The following DPH6 variants were observed in gnomAD, a reference collection of about 807,000 sequenced individuals.
DPH6 encodes diphthine--ammonia ligase.
Under a neutral mutation model 38.2 loss-of-function variants are expected in DPH6, and 33 were observed. The observed-to-expected ratio is 0.86, with a 90% CI of 0.65 to 1.15. The LOEUF (loss-of-function observed/expected upper bound fraction) is 1.15, where lower values mean the gene tolerates loss of function less well. Ranked by LOEUF, DPH6 falls within the 50% of genes most tolerant of loss-of-function variation. The pLI is 0.00. For missense variants in DPH6, 325 were observed against 320.0 expected (o/e 1.02, Z -0.12); for synonymous variants, 108 against 103.0 (o/e 1.05, Z -0.30).
chr15:35,524,534 T>G (rs2054970423), intron 3 of DPH6, among the ~76,000 whole-genome samples: 1 of 152,178 alleles, frequency 6.6e-6, no homozygotes, highest in Non-Finnish European at 1.5e-5. Context: ...CTGCATGAAT[T>G]AACACAAATG....
chr15:35,487,622 T>G (rs917853510), intron 3 of DPH6, among the ~76,000 whole-genome samples: 3 of 152,244 alleles, frequency 2.0e-5, no homozygotes, highest in African/African-American at 7.2e-5. Flanking sequence ...CAAAACCATT[T>G]TTCCCTCCTC....
intron 3 of DPH6, among the ~76,000 whole-genome samples, chr15:35,356,559 G>T (rs2052562167): frequency 6.6e-6 from 1 of 152,200 alleles, no homozygotes; most frequent in Non-Finnish European, 1.5e-5. Context: ...TCCAGACCCT[G>T]TTTGCCTGGG....
In DPH6 at chr15:35,538,273, C is replaced by T; in HGVS notation, c.312+1G>A. Reference sequence around the variant, plus strand: ...TATACTTAATTGGTTACTCTGCATACCTTAACAAGTTTCAAAAGCTCATAG... The same window carrying T: ...TATACTTAATTGGTTACTCTGCATATCTTAACAAGTTTCAAAAGCTCATAG... On this transcript the variant is annotated splice_donor_variant, in intron 3 of 8. Coordinates refer to ENST00000256538, the MANE Select transcript of DPH6 (RefSeq NM_080650.4). LOFTEE classifies it high-confidence loss of function. 6.5e-7 allele frequency: 1 copy of T among 1,530,692 alleles called. No homozygotes were observed. Among genetic ancestry groups the T allele is most frequent in the Non-Finnish European group, 8.9e-7 (1 of 1,122,248 alleles). 94.8% of individuals were successfully genotyped at this position (1,530,692 alleles called of 1,614,324 possible).
At chr15:35,153,255 T>C in the DPH6 span, among the ~76,000 whole-genome samples, 2 of 152,230 alleles carry the variant, frequency 1.3e-5, no homozygotes, top group African/African-American at 4.8e-5. Context: ...CTATCTGGCA[T>C]ACAGAAAAAA....
At chr15:35,337,712 C>T (rs531621417) in intron 3 of DPH6, among the ~76,000 whole-genome samples, 11 of 152,220 alleles carry the variant, frequency 7.2e-5, no homozygotes, top group Non-Finnish European at 1.5e-4. Context: ...AAAAAAGAGC[C>T]TGCATCGCCA....
the DPH6 span, among the ~76,000 whole-genome samples, chr15:35,177,601 AT>A: frequency 0.044 from 4,878 of 109,790 alleles, 402 homozygotes; most frequent in African/African-American, 0.16. Flanking sequence ...AAAAAAAAAA[AT>A]CATCATCATC....
intron 7 of DPH6, among the ~76,000 whole-genome samples, chr15:35,378,878 A>G (rs1324107706): frequency 6.6e-6 from 1 of 152,146 alleles, no homozygotes; most frequent in African/African-American, 2.4e-5. Flanking sequence ...AATGTAGGTT[A>G]TGGGTTGATG....
chr15:35,157,676 C>G, the DPH6 span, among the ~76,000 whole-genome samples: 2 of 152,178 alleles, frequency 1.3e-5, no homozygotes, highest in Non-Finnish European at 1.5e-5. Flanking sequence ...AAGTTAATAA[C>G]AAGAGACACA....
intron 4 of DPH6, among the ~76,000 whole-genome samples, chr15:35,453,445 T>G (rs2053960317): frequency 6.6e-6 from 1 of 152,204 alleles, no homozygotes; most frequent in East Asian, 1.9e-4. Context: ...ATTTTTAAAC[T>G]AAATAATTCT....
At chr15:35,296,381 C>A (rs921732724) in intron 3 of DPH6, among the ~76,000 whole-genome samples, 1 of 152,180 alleles carries the variant, frequency 6.6e-6, no homozygotes, top group Admixed American at 6.5e-5. Flanking sequence ...TATTCTAGCT[C>A]CCTTCGTCTA....
At chr15:35,440,619 T>C (rs944470512) in intron 5 of DPH6, among the ~76,000 whole-genome samples, 3 of 152,166 alleles carry the variant, frequency 2.0e-5, no homozygotes, top group East Asian at 3.9e-4. Context: ...GGCAGTTATA[T>C]GTCCTTCTTT....
At chr15:35,340,143 G>A (rs1566874419) in intron 3 of DPH6, among the ~76,000 whole-genome samples, 1 of 152,060 alleles carries the variant, frequency 6.6e-6, no homozygotes, top group Non-Finnish European at 1.5e-5. Flanking sequence ...GCCCTTCTTT[G>A]TGTTTTTTGA....
intron 3 of DPH6, among the ~76,000 whole-genome samples, chr15:35,323,509 T>C (rs2052257817): frequency 6.6e-6 from 1 of 152,202 alleles, no homozygotes; most frequent in African/African-American, 2.4e-5. Flanking sequence ...AACATCACTT[T>C]GCTCCCAAAG....
the DPH6 span, among the ~76,000 whole-genome samples, chr15:35,158,471 A>G: frequency 6.6e-6 from 1 of 152,234 alleles, no homozygotes; most frequent in Non-Finnish European, 1.5e-5. Flanking sequence ...ACATTCTTAC[A>G]GCAAGTTGTT....
intron 5 of DPH6, among the ~76,000 whole-genome samples, chr15:35,448,831 T>C (rs923516746): frequency 1.3e-5 from 2 of 152,080 alleles, no homozygotes; most frequent in Non-Finnish European, 2.9e-5. Flanking sequence ...TTGATGCCTA[T>C]AAGACATAAA....
At chr15:35,501,069 G>A (rs1411449820) in intron 3 of DPH6, among the ~76,000 whole-genome samples, 1 of 152,012 alleles carries the variant, frequency 6.6e-6, no homozygotes, top group Non-Finnish European at 1.5e-5. Context: ...TTAAAAGAAT[G>A]GAACTATTTG....
intron 3 of DPH6, chr15:35,237,947 A>G (rs2051567399): frequency 8.5e-6 from 12 of 1,416,502 alleles, no homozygotes; most frequent in Non-Finnish European, 1.0e-6. Context: ...GGAGGATGAA[A>G]AAGGTTATAA....
intron 3 of DPH6, among the ~76,000 whole-genome samples, chr15:35,488,103 AC>A (rs1355219549): frequency 1.3e-5 from 2 of 152,168 alleles, no homozygotes; most frequent in Non-Finnish European, 2.9e-5. Flanking sequence ...ACCTGAGACC[AC>A]CTCAGCCCAG....
At chr15:35,519,323 G>T (rs931858185) in intron 3 of DPH6, 1 of 151,754 alleles carries the variant, frequency 6.6e-6, no homozygotes, top group South Asian at 2.1e-4. Context: ...TCAAATTTTA[G>T]GCAGCCCACT....
Sources: allele counts gnomAD v4.1 joint callset (sites outside exome capture counted in the v4.1 genomes callset), GRCh38; gene constraint gnomAD v4.1.1; transcripts MANE v1.5; gene names NCBI Gene and HGNC (gene_info 2026-07-23, HGNC 2026-07-21).